The following CDS1 variants were observed in gnomAD, a reference collection of about 807,000 sequenced individuals.
The protein encoded by CDS1 is CDP-diacylglycerol synthase 1.
CDS1 carries 41 observed loss-of-function variants against 62.1 expected under a neutral mutation model. The observed-to-expected ratio is 0.66, with a 90% CI of 0.51 to 0.86. CDS1 has a LOEUF of 0.86. Among genes scored for constraint, CDS1 ranks in the 40% least tolerant of loss-of-function variants. The pLI is 0.00. For missense variants in CDS1, 470 were observed against 550.1 expected (o/e 0.85, Z 1.46); for synonymous variants, 185 against 192.6 (o/e 0.96, Z 0.32).
chr4:84,650,037 G>A lies in CDS1; in HGVS notation c.*1351G>A, dbSNP rs775988029. On this transcript the variant is annotated 3_prime_UTR_variant, in exon 13 of 13. Transcript: ENST00000295887. ...AATTGCCCAGTGTTCCTAGTTAAAT[G>A]TTCAGAGGGGAGAAATAGATATATT... is the stretch of plus-strand genomic sequence containing the variant. The A allele has an allele frequency of 2.0e-5, 3 of 152,176 alleles. No individual in the cohort carries two copies. The highest frequency in any genetic ancestry group is 4.4e-5 in the Non-Finnish European group (3 of 68,026). The allele number at this position is 152,176 out of a possible 1,614,324, so 9.4% of individuals were successfully genotyped here.
At chr4:84,635,658 C>A (rs1560481651) in intron 8 of CDS1, among the ~76,000 whole-genome samples, 1 of 123,802 alleles carries the variant, frequency 8.1e-6, no homozygotes, top group Non-Finnish European at 1.7e-5. Flanking sequence ...TTCCTTCCTT[C>A]CTTCCTTCCT....
chr4:84,622,594 A>AAATAAT (rs555333927), intron 5 of CDS1, among the ~76,000 whole-genome samples: 1 of 152,122 alleles, frequency 6.6e-6, no homozygotes. Flanking sequence ...CTCCATCTCA[A>AAATAAT]AATAATAATA....
intron 10 of CDS1, among the ~76,000 whole-genome samples, 160 bp downstream of exon 10, chr4:84,641,150 A>G (rs1322230265): frequency 1.3e-5 from 2 of 152,050 alleles, no homozygotes; most frequent in Non-Finnish European, 2.9e-5. Flanking sequence ...ATCTCAACTT[A>G]CTGCAACCTT....
At chr4:84,615,213 C>A (rs940341728) in intron 3 of CDS1, among the ~76,000 whole-genome samples, 1 of 152,062 alleles carries the variant, frequency 6.6e-6, no homozygotes, top group African/African-American at 2.4e-5. Flanking sequence ...AATTTCCTCA[C>A]GCACCATGTC....
intron 12 of CDS1, among the ~76,000 whole-genome samples, chr4:84,647,578 G>C (rs1724593109): frequency 6.6e-6 from 1 of 152,168 alleles, no homozygotes; most frequent in South Asian, 2.1e-4. Context: ...GGTTTATGCT[G>C]TGAAGTTGCT....
intron 1 of CDS1, among the ~76,000 whole-genome samples, chr4:84,599,432 A>ATGTG (rs1311062762): frequency 2.1e-3 from 51 of 24,268 alleles, no homozygotes; most frequent in African/African-American, 5.9e-3. Flanking sequence ...ATATATATAT[A>ATGTG]TATATATATA....
chr4:84,613,300 A>G lies in CDS1; in HGVS notation c.342+3775A>G, dbSNP rs149321458. 5.0e-3 allele frequency among the ~76,000 whole-genome samples: 757 copies of G among 152,218 alleles called. 5 individuals are homozygous for G. Among genetic ancestry groups the G allele is most frequent in the Admixed American group, 7.4e-3 (113 of 15,290 alleles). ...TCAGCACTCAAAAATGACTAATTCA[A>G]TATAGTTTTATTAAAAACTTCTAGG... On this transcript the variant is annotated intron_variant, in intron 3 of 12. Transcript: ENST00000295887.
At chr4:84,630,662 G>A (rs1723991754) in intron 5 of CDS1, among the ~76,000 whole-genome samples, 1 of 152,144 alleles carries the variant, frequency 6.6e-6, no homozygotes, top group African/African-American at 2.4e-5. Context: ...TGCAGAGGCT[G>A]GGTACAGTGG....
chr4:84,586,272 A>C (rs1722417293), intron 1 of CDS1, among the ~76,000 whole-genome samples: 1 of 152,146 alleles, frequency 6.6e-6, no homozygotes, highest in African/African-American at 2.4e-5. Flanking sequence ...CATTACATTT[A>C]TTGTGCACTT....
chr4:84,599,894 T>A (rs1476038329), intron 1 of CDS1, among the ~76,000 whole-genome samples: 1 of 152,164 alleles, frequency 6.6e-6, no homozygotes. Context: ...CTTGGGTAAA[T>A]ACCTAGGAGT....
intron 1 of CDS1, among the ~76,000 whole-genome samples, chr4:84,594,007 C>T (rs1439336274): frequency 2.6e-5 from 4 of 152,066 alleles, no homozygotes; most frequent in Non-Finnish European, 2.9e-5. Flanking sequence ...ACTGAAGTCC[C>T]ATACTCTGGG....
At chr4:84,614,998 T>C (rs144353651) in intron 3 of CDS1, among the ~76,000 whole-genome samples, 1 of 152,302 alleles carries the variant, frequency 6.6e-6, no homozygotes, top group East Asian at 1.9e-4. Context: ...GGTCTGACGG[T>C]ATGGCCAGCT....
At chr4:84,593,505 T>G (rs1357684632) in intron 1 of CDS1, among the ~76,000 whole-genome samples, 10 of 129,488 alleles carry the variant, frequency 7.7e-5, no homozygotes, top group Non-Finnish European at 1.4e-4. Flanking sequence ...AGGTTTTTTT[T>G]GTTTTTTTTT....
At chr4:84,590,774 A>C (rs1425390997) in intron 1 of CDS1, among the ~76,000 whole-genome samples, 2 of 152,174 alleles carry the variant, frequency 1.3e-5, no homozygotes, top group Non-Finnish European at 2.9e-5. Context: ...GGCTGGTACA[A>C]AGTTGTTTGA....
rs1451350444 is a variant in CDS1, at chr4:84,649,404, C to G, written c.*718C>G. The G allele has an allele frequency of 6.6e-6, 1 of 152,264 alleles. No individual in the cohort carries two copies. The highest frequency in any genetic ancestry group is 2.4e-5 in the African/African-American group (1 of 41,450). The allele number at this position is 152,264 out of a possible 1,614,324, so 9.4% of individuals were successfully genotyped here. On this transcript the variant is annotated 3_prime_UTR_variant, in exon 13 of 13. Coordinates refer to ENST00000295887, the MANE Select transcript of CDS1 (RefSeq NM_001263.4). ...TTTTCAAGAGCAACAAGGAAGAATTCTGCTGTGAAGAACACAGTGTACGGA... is the reference window on the plus strand; with the variant it reads ...TTTTCAAGAGCAACAAGGAAGAATTGTGCTGTGAAGAACACAGTGTACGGA...
At chr4:84,635,213 T>TA (rs1365187589) in intron 7 of CDS1, 51 bp from the exon 8 acceptor site, 8 of 880,164 alleles carry the variant, frequency 9.1e-6, no homozygotes, top group Non-Finnish European at 1.5e-5. Flanking sequence ...ATCTGCCACT[T>TA]ACTCAGGTGA....
chr4:84,635,487 A>C, intron 8 of CDS1, 136 bp downstream of exon 8: 1 of 694,332 alleles, frequency 1.4e-6, no homozygotes, highest in Non-Finnish European at 2.5e-6. Flanking sequence ...ATGGTGCAGA[A>C]GCAGCAAACC....
intron 11 of CDS1, among the ~76,000 whole-genome samples, chr4:84,643,620 C>T (rs189305429): frequency 1.8e-4 from 27 of 152,342 alleles, no homozygotes; most frequent in African/African-American, 4.8e-4. Context: ...TCTATCAAAG[C>T]TTCTCAACCC....
intron 8 of CDS1, 77 bp from the exon 9 acceptor site, chr4:84,638,847 T>TTATATATATA (rs3840105): frequency 1.3e-5 from 4 of 300,600 alleles, no homozygotes; most frequent in African/African-American, 4.7e-5. Context: ...AGGAAATAGT[T>TTATATATATA]TATATATATA....
Sources: allele counts gnomAD v4.1 joint callset (sites outside exome capture counted in the v4.1 genomes callset), GRCh38; gene constraint gnomAD v4.1.1; transcripts MANE v1.5; gene names NCBI Gene and HGNC (gene_info 2026-07-23, HGNC 2026-07-21).